The following CDH12 variants were observed in gnomAD, a reference collection of about 807,000 sequenced individuals.
CDH12 encodes cadherin 12, also known as cadherin-12.
In CDH12, 41 loss-of-function variants were observed where a neutral mutation model predicts 74.1. That is an observed-to-expected ratio of 0.55 (90% CI 0.43 to 0.72). The LOEUF is 0.72. Ranked by LOEUF, CDH12 falls within the 30% of genes least tolerant of loss-of-function variation. The pLI is 0.00. For synonymous variants in CDH12, 399 were observed against 355.0 expected (o/e 1.12, Z -1.39); for missense variants, 945 against 977.2 (o/e 0.97, Z 0.44).
intron 3 of CDH12, among the ~76,000 whole-genome samples, chr5:22,240,417 C>G (rs1216684122): frequency 1.3e-5 from 2 of 152,112 alleles, no homozygotes; most frequent in Admixed American, 1.3e-4. Context: ...TAATTCTAAA[C>G]CTGAAAGCCA....
At chr5:22,755,254 AT>A (rs1483657384) in intron 1 of CDH12, among the ~76,000 whole-genome samples, 1 of 152,196 alleles carries the variant, frequency 6.6e-6, no homozygotes, top group Non-Finnish European at 1.5e-5. Flanking sequence ...AAAGATACTT[AT>A]TCATCTCATT....
intron 6 of CDH12, among the ~76,000 whole-genome samples, chr5:21,905,185 C>T (rs1753582899): frequency 6.6e-6 from 1 of 152,154 alleles, no homozygotes; most frequent in Non-Finnish European, 1.5e-5. Flanking sequence ...GAGCAGAGAG[C>T]TTTTATAGGG....
intron 1 of CDH12, among the ~76,000 whole-genome samples, chr5:22,808,174 G>A (rs1387804550): frequency 6.6e-6 from 1 of 152,076 alleles, no homozygotes; most frequent in African/African-American, 2.4e-5. Flanking sequence ...ATTATGTGAG[G>A]AATCAATTTG....
intron 4 of CDH12, among the ~76,000 whole-genome samples, chr5:22,164,484 G>C (rs922166864): frequency 6.6e-6 from 1 of 152,188 alleles, no homozygotes; most frequent in African/African-American, 2.4e-5. Context: ...GGTCTGTGAC[G>C]GCGGCAAAAC....
chr5:22,357,744 A>C (rs923927442), intron 3 of CDH12, among the ~76,000 whole-genome samples: 1 of 152,190 alleles, frequency 6.6e-6, no homozygotes, highest in African/African-American at 2.4e-5. Flanking sequence ...AAAAATGATC[A>C]ATTTTTCCCT....
chr5:22,252,013 T>C (rs946997456), intron 3 of CDH12, among the ~76,000 whole-genome samples: 3 of 152,116 alleles, frequency 2.0e-5, no homozygotes, highest in Admixed American at 6.6e-5. Context: ...GGAATTACTG[T>C]TCATATTTTT....
chr5:21,888,012 G>A (rs1233304963), intron 6 of CDH12, among the ~76,000 whole-genome samples: 3 of 151,914 alleles, frequency 2.0e-5, no homozygotes, highest in Non-Finnish European at 4.4e-5. Context: ...CAAAAAGTCT[G>A]AGTATAAGAC....
chr5:22,097,333 C>A (rs185673895), intron 4 of CDH12, among the ~76,000 whole-genome samples: 40 of 152,284 alleles, frequency 2.6e-4, no homozygotes, highest in Non-Finnish European at 3.7e-4. Flanking sequence ...ACTGCCCGAT[C>A]GCCTCAGAAG....
intron 4 of CDH12, among the ~76,000 whole-genome samples, chr5:22,120,247 T>C (rs984111184): frequency 5.9e-5 from 9 of 152,174 alleles, no homozygotes; most frequent in African/African-American, 2.2e-4. Context: ...AATGTTAATT[T>C]TGTCCTTGGC....
intron 1 of CDH12, among the ~76,000 whole-genome samples, chr5:22,829,830 G>A (rs1316577085): frequency 6.6e-6 from 1 of 152,166 alleles, no homozygotes; most frequent in Non-Finnish European, 1.5e-5. Flanking sequence ...CAGTTAACTG[G>A]TAGACACACC....
chr5:22,293,708 G>A (rs1354178473), intron 3 of CDH12, among the ~76,000 whole-genome samples: 2 of 152,138 alleles, frequency 1.3e-5, no homozygotes, highest in Non-Finnish European at 2.9e-5. Flanking sequence ...GGATGAACCT[G>A]GAGGCCATTA....
At chr5:22,783,002 A>T (rs1747457511) in intron 1 of CDH12, among the ~76,000 whole-genome samples, 1 of 152,210 alleles carries the variant, frequency 6.6e-6, no homozygotes, top group African/African-American at 2.4e-5. Flanking sequence ...ATGAAATAAA[A>T]GCAAAGGGAT....
chr5:21,915,841 T>A lies in CDH12; in HGVS notation c.526+59250A>T, dbSNP rs943062286. Among the ~76,000 whole-genome samples, 6 of 151,344 alleles carry A rather than the reference T, an allele frequency of 4.0e-5. No individual in the cohort carries two copies. The East Asian group carries it at 1.2e-3, about 29-fold the overall frequency. ...TTTGTGCTGTGTGTGTGTGTGTGTG[T>A]GTGTGTGTGTGTGTGTGTGTTCATG... is the stretch of plus-strand genomic sequence containing the variant. On this transcript the variant is annotated intron_variant, in intron 6 of 14. Transcript: ENST00000382254.
intron 1 of CDH12, among the ~76,000 whole-genome samples, chr5:22,604,626 T>C (rs948604512): frequency 6.6e-6 from 1 of 152,234 alleles, no homozygotes; most frequent in Middle Eastern, 3.4e-3. Context: ...ATATTGCATC[T>C]AAAAAAACCT....
At chr5:21,921,910 C>T (rs1459139058) in intron 6 of CDH12, among the ~76,000 whole-genome samples, 2 of 152,164 alleles carry the variant, frequency 1.3e-5, no homozygotes, top group Non-Finnish European at 2.9e-5. Context: ...CTTTGCATTG[C>T]CTCAAACTGG....
intron 1 of CDH12, among the ~76,000 whole-genome samples, chr5:22,590,792 T>C (rs1034161773): frequency 2.6e-5 from 4 of 152,212 alleles, no homozygotes; most frequent in Non-Finnish European, 5.9e-5. Flanking sequence ...AGGGCCTATT[T>C]GCAGGTCTGT....
rs1749293223 is a variant in CDH12 at position 21,833,303 on chromosome 5, A to ATATGTTATATAACATATAATATATAT, written c.814+8857_814+8858insATATATATTATATGTTATATAACATA. ...TGTTATATAACATATAATATATATT[A>ATATGTTATATAACATATAATATATAT]TATGTTATATGTTATATAATATATA... On this transcript the variant is annotated intron_variant, in intron 8 of 14. Coordinates refer to ENST00000382254, the MANE Select transcript of CDH12 (RefSeq NM_004061.5). Among the ~76,000 whole-genome samples, 4 of 39,530 alleles carry ATATGTTATATAACATATAATATATAT rather than the reference A, an allele frequency of 1.0e-4. 1 individual carries two copies. The highest frequency in any genetic ancestry group is 4.9e-4 in the African/African-American group (2 of 4,048). 25.9% of individuals were successfully genotyped at this position (39,530 alleles called of 152,430 possible).
intron 5 of CDH12, among the ~76,000 whole-genome samples, chr5:22,075,231 G>A (rs1158807934): frequency 6.8e-6 from 1 of 146,108 alleles, no homozygotes; most frequent in Non-Finnish European, 1.5e-5. Context: ...AACACCACAT[G>A]TTCTCACTCA....
rs371223266 is a variant in CDH12 at position 22,397,684 on chromosome 5, C to T, written c.-333+7573G>A. On this transcript the variant is annotated intron_variant, in intron 3 of 14. Transcript: ENST00000382254. The stretch of plus-strand genomic sequence containing the variant: ...AATAAGAAGCAGTTATAAGATATTG[C>T]TACAGTTTAATTGTATTTCTCCAAA... Among the ~76,000 whole-genome samples, 197 of 152,168 alleles carry T rather than the reference C, an allele frequency of 1.3e-3. 4 individuals are homozygous for T. The South Asian group carries it at 0.035, about 27-fold the overall frequency.
Sources: allele counts gnomAD v4.1 joint callset (sites outside exome capture counted in the v4.1 genomes callset), GRCh38; gene constraint gnomAD v4.1.1; transcripts MANE v1.5; gene names NCBI Gene and HGNC (gene_info 2026-07-23, HGNC 2026-07-21).